VRK3: variants seen among roughly 807,000 people sequenced by gnomAD.
VRK3 encodes the protein VRK serine/threonine kinase 3.
Under a neutral mutation model 60.4 loss-of-function variants are expected in VRK3, and 50 were observed. The ratio of observed to expected loss-of-function variants is 0.83; its 90% CI spans 0.66 to 1.05. VRK3 has a LOEUF of 1.05. Among genes scored for constraint, VRK3 ranks in the 50% least tolerant of loss-of-function variants. The pLI, the probability that VRK3 is intolerant of heterozygous loss-of-function variation, is 0.00. For missense variants in VRK3, 549 were observed against 585.3 expected, an observed-to-expected ratio of 0.94 and a Z score of 0.64; for synonymous variants, 246 against 227.8, an observed-to-expected ratio of 1.08 and a Z score of -0.72.
At chr19:50,013,613 T>G (rs1230237271) in intron 3 of VRK3, among the ~76,000 whole-genome samples, 2 of 152,220 alleles carry the variant, frequency 1.3e-5, no homozygotes, top group African/African-American at 4.8e-5. Flanking sequence ...CAATATAGTA[T>G]CTGGGCTTGG....
At chr19:49,995,498 T>C (rs2278408) in intron 7 of VRK3, among the ~76,000 whole-genome samples, 57,737 of 151,998 alleles carry the variant, frequency 0.38, 12,023 homozygotes, top group East Asian at 0.69. Flanking sequence ...GATGGGGTGA[T>C]CATGGTGGCT....
chr19:50,018,279 A>G (rs780148591), intron 2 of VRK3, among the ~76,000 whole-genome samples: 1 of 152,224 alleles, frequency 6.6e-6, no homozygotes, highest in Non-Finnish European at 1.5e-5. Context: ...TGACCATATC[A>G]TGCCTTGTAC....
intron 6 of VRK3, chr19:49,997,990 G>GTGA (rs2076734868): frequency 6.5e-6 from 1 of 154,894 alleles, no homozygotes; most frequent in Admixed American, 6.5e-5. Context: ...CAACGCAGAT[G>GTGA]TGATGGTGGA....
chr19:49,993,375 G>A (rs763310460), intron 9 of VRK3, among the ~76,000 whole-genome samples: 4 of 152,116 alleles, frequency 2.6e-5, no homozygotes, highest in Non-Finnish European at 5.9e-5. Flanking sequence ...GTCCCTATGA[G>A]CTCCAGACTC....
At chr19:49,981,226 C>G in intron 12 of VRK3, 1 of 593,870 alleles carries the variant, frequency 1.7e-6, no homozygotes, top group Non-Finnish European at 3.0e-6. Context: ...CTGCAAGCCT[C>G]TGGCCACACG....
At chr19:50,013,944 G>A (rs1219287889) in intron 3 of VRK3, among the ~76,000 whole-genome samples, 7 of 152,172 alleles carry the variant, frequency 4.6e-5, no homozygotes, top group African/African-American at 7.2e-5. Flanking sequence ...TAGGGAAAGT[G>A]TCTCTGAGAA....
chr19:49,979,254 A>C lies in VRK3; in HGVS notation c.1277-12T>G. ...CTTCTGCAGGGTCTCTGTGGTCAAG[A>C]CAACCCCCAGCAAGGGAGAGCCTGA... On this transcript the variant is annotated splice_polypyrimidine_tract_variant and intron_variant, in intron 13 of 14. Transcript: ENST00000316763. The C allele has an allele frequency of 6.2e-7, 1 of 1,613,964 alleles. No homozygotes were observed.
intron 3 of VRK3, 169 bp downstream of exon 3, chr19:50,015,855 A>G: frequency 1.2e-6 from 1 of 820,564 alleles, no homozygotes; most frequent in East Asian, 2.5e-5. Flanking sequence ...TGAGGCCAAT[A>G]AGAGGCCAAG....
intron 10 of VRK3, 64 bp from the exon 11 acceptor site, chr19:49,989,835 T>C (rs2076580264): frequency 7.3e-6 from 11 of 1,509,338 alleles, no homozygotes; most frequent in African/African-American, 1.4e-5. Flanking sequence ...GAGATTTCCA[T>C]CGTGGGTGCA....
At chr19:49,991,110 G>A (rs1397413167) in intron 10 of VRK3, among the ~76,000 whole-genome samples, 1 of 152,146 alleles carries the variant, frequency 6.6e-6, no homozygotes, top group Admixed American at 6.5e-5. Flanking sequence ...TCATTTTTAT[G>A]TGGCAACTTG....
At chr19:50,012,632 C>G (rs1205904216) in intron 3 of VRK3, among the ~76,000 whole-genome samples, 1 of 152,170 alleles carries the variant, frequency 6.6e-6, no homozygotes, top group Non-Finnish European at 1.5e-5. Flanking sequence ...GGTGCAGTGG[C>G]TCATGCCTGT....
chr19:50,002,716 G>A (rs562806180), intron 5 of VRK3, among the ~76,000 whole-genome samples: 1 of 152,308 alleles, frequency 6.6e-6, no homozygotes, highest in East Asian at 1.9e-4. Context: ...AGGCCAGAAG[G>A]GAAAAGGGGC....
chr19:49,997,938 C>G (rs2076733986), intron 6 of VRK3: 1 of 166,298 alleles, frequency 6.0e-6, no homozygotes, highest in Non-Finnish European at 1.3e-5. Context: ...CCTTAGTGGG[C>G]TGGGACAGGC....
chr19:50,015,427 G>C (rs1262426464), intron 3 of VRK3, among the ~76,000 whole-genome samples: 1 of 152,074 alleles, frequency 6.6e-6, no homozygotes, highest in Admixed American at 6.6e-5. Context: ...TCCTGCCTCA[G>C]ACTCCCAAGT....
chr19:50,009,478 G>A (rs2076959245), intron 3 of VRK3, 93 bp from the exon 4 acceptor site: 12 of 1,471,186 alleles, frequency 8.2e-6, no homozygotes, highest in Non-Finnish European at 1.1e-5. Context: ...ACTCAGCTAT[G>A]CTGTTCTCTT....
chr19:50,004,557 G>T (rs996368310), intron 5 of VRK3, among the ~76,000 whole-genome samples: 2 of 152,136 alleles, frequency 1.3e-5, no homozygotes, highest in Non-Finnish European at 2.9e-5. Flanking sequence ...TGCAGGATGG[G>T]GTAATATGGG....
intron 11 of VRK3, 47 bp from the exon 12 acceptor site, chr19:49,988,539 C>A (rs1221725427): frequency 6.3e-7 from 1 of 1,599,084 alleles, no homozygotes; most frequent in Non-Finnish European, 8.5e-7. Context: ...GGACGCTCCA[C>A]TCACTGGTGG....
At chr19:50,010,171 TAG>T (rs1372204100) in intron 3 of VRK3, among the ~76,000 whole-genome samples, 3 of 152,142 alleles carry the variant, frequency 2.0e-5, no homozygotes, top group East Asian at 1.9e-4. Flanking sequence ...ATACAATCAT[TAG>T]AGTTTTTATT....
chr19:49,996,229 T>C (rs1302709590), intron 7 of VRK3, among the ~76,000 whole-genome samples: 1 of 151,798 alleles, frequency 6.6e-6, no homozygotes, highest in South Asian at 2.1e-4. Context: ...CTTTTTTTTT[T>C]GTATTTTCAA....
Sources: gnomAD v4.1 joint callset for allele counts (sites outside exome capture counted in the v4.1 genomes callset) on GRCh38, gnomAD v4.1.1 for gene constraint, MANE v1.5 for transcripts, NCBI Gene and HGNC (gene_info 2026-07-23, HGNC 2026-07-21) for gene names.